Variants in DNER observed in about 807,000 individuals in gnomAD.
The protein encoded by DNER is delta and Notch-like epidermal growth factor-related receptor.
In DNER, 33 loss-of-function variants were observed where a neutral mutation model predicts 78.2. That is an observed-to-expected ratio of 0.42 (90% CI 0.32 to 0.56). The LOEUF is 0.56. Ranked by LOEUF, DNER falls within the 20% of genes least tolerant of loss-of-function variation. The pLI, the probability that DNER is intolerant of heterozygous loss-of-function variation, is 0.11. For synonymous variants in DNER, 417 were observed against 384.8 expected (o/e 1.08, Z -0.98); for missense variants, 918 against 975.3 (o/e 0.94, Z 0.78).
At chr2:229,417,306 A>G (rs1693673890) in intron 9 of DNER, among the ~76,000 whole-genome samples, 1 of 152,238 alleles carries the variant, frequency 6.6e-6, no homozygotes, top group Non-Finnish European at 1.5e-5. Flanking sequence ...AAGCAGCAAT[A>G]GGAGCAAGCG....
At chr2:229,437,201 A>G (rs915215176) in intron 8 of DNER, among the ~76,000 whole-genome samples, 1 of 152,232 alleles carries the variant, frequency 6.6e-6, no homozygotes, top group Non-Finnish European at 1.5e-5. Flanking sequence ...CACGTGAGTG[A>G]GATGGAAGAG....
chr2:229,614,950 C>T (rs746613102), intron 1 of DNER, among the ~76,000 whole-genome samples: 5 of 152,152 alleles, frequency 3.3e-5, no homozygotes, highest in Admixed American at 2.0e-4. Flanking sequence ...AACTAATCTA[C>T]GAAGACTTTA....
chr2:229,423,973 G>A (rs1400014944), intron 8 of DNER, among the ~76,000 whole-genome samples: 1 of 152,208 alleles, frequency 6.6e-6, no homozygotes, highest in Admixed American at 6.5e-5. Context: ...GGATAAGCTT[G>A]AGGGTAGAGT....
At chr2:229,541,522 C>T (rs547883880) in intron 5 of DNER, among the ~76,000 whole-genome samples, 2 of 152,298 alleles carry the variant, frequency 1.3e-5, no homozygotes, top group South Asian at 4.1e-4. Context: ...TTATATCCTA[C>T]TGCTCAAGGT....
intron 5 of DNER, among the ~76,000 whole-genome samples, chr2:229,514,776 CACA>C (rs1695936158): frequency 6.6e-6 from 1 of 152,180 alleles, no homozygotes; most frequent in Non-Finnish European, 1.5e-5. Context: ...GGATGCCCCT[CACA>C]ACAACTGACT....
chr2:229,519,082 C>CTAATTTATATA, intron 5 of DNER, among the ~76,000 whole-genome samples: 1 of 151,970 alleles, frequency 6.6e-6, no homozygotes, highest in East Asian at 1.9e-4. Flanking sequence ...ACAATGCCTT[C>CTAATTTATATA]TAATTTATAT....
chr2:229,667,903 T>A (rs1403555876), intron 1 of DNER, among the ~76,000 whole-genome samples: 8 of 152,242 alleles, frequency 5.3e-5, no homozygotes, highest in African/African-American at 1.9e-4. Context: ...CACCAGGGAA[T>A]GTGAACAAAT....
intron 6 of DNER, among the ~76,000 whole-genome samples, chr2:229,504,608 C>T (rs182177422): frequency 3.9e-5 from 6 of 152,248 alleles, no homozygotes; most frequent in African/African-American, 7.2e-5. Flanking sequence ...AAACATCAGC[C>T]CCCTTTTTTT....
At chr2:229,376,365 C>G (rs958780991) in intron 11 of DNER, among the ~76,000 whole-genome samples, 1 of 152,110 alleles carries the variant, frequency 6.6e-6, no homozygotes, top group Admixed American at 6.6e-5. Context: ...GAGGAATGAG[C>G]CCTCGTCAGA....
intron 5 of DNER, among the ~76,000 whole-genome samples, chr2:229,536,691 T>C (rs1696411511): frequency 6.6e-6 from 1 of 152,228 alleles, no homozygotes; most frequent in South Asian, 2.1e-4. Context: ...GAGGCCTATT[T>C]CTATATGTTA....
At chr2:229,648,262 G>T (rs1159532850) in intron 1 of DNER, among the ~76,000 whole-genome samples, 1 of 152,176 alleles carries the variant, frequency 6.6e-6, no homozygotes, top group East Asian at 1.9e-4. Flanking sequence ...TTGCAACCCA[G>T]GAGTCTAGCG....
chr2:229,395,884 C>A (rs60520911), intron 10 of DNER, among the ~76,000 whole-genome samples: 5,086 of 151,878 alleles, frequency 0.033, 136 homozygotes, highest in African/African-American at 0.073. Context: ...GGTGACAGAG[C>A]AAGACTCTGT....
chr2:229,550,669 G>A (rs545184936), intron 4 of DNER, among the ~76,000 whole-genome samples: 15 of 152,192 alleles, frequency 9.9e-5, no homozygotes, highest in African/African-American at 2.6e-4. Context: ...CCAGCTACTC[G>A]GGAGGCTGAG....
intron 8 of DNER, among the ~76,000 whole-genome samples, chr2:229,434,925 TAC>T (rs58688647): frequency 0.7 from 90,576 of 129,814 alleles, 28,546 homozygotes; most frequent in South Asian, 0.77. Context: ...TATATATATA[TAC>T]ACACACACAC....
intron 7 of DNER, among the ~76,000 whole-genome samples, chr2:229,455,719 CGAAAGGACAATCTGCT>C (rs1694558491): frequency 6.6e-6 from 1 of 152,006 alleles, no homozygotes; most frequent in South Asian, 2.1e-4. Flanking sequence ...TGTACAGGCT[CGAAAGGACAATCTGCT>C]GAAGTTGTGT....
chr2:229,619,990 T>C (rs1421549847), intron 1 of DNER, among the ~76,000 whole-genome samples: 1 of 152,242 alleles, frequency 6.6e-6, no homozygotes, highest in African/African-American at 2.4e-5. Context: ...CAATTAAGTA[T>C]TCTTTTATTA....
At chr2:229,665,229 A>G (rs1050322470) in intron 1 of DNER, among the ~76,000 whole-genome samples, 3 of 152,236 alleles carry the variant, frequency 2.0e-5, no homozygotes, top group African/African-American at 7.2e-5. Flanking sequence ...TAAGGTAAGA[A>G]AATGAATTCA....
chr2:229,624,159 C>T (rs754932522), intron 1 of DNER, among the ~76,000 whole-genome samples: 4 of 150,240 alleles, frequency 2.7e-5, no homozygotes, highest in Admixed American at 6.6e-5. Context: ...CTAGTTGTTC[C>T]TCCTGAGCAC....
chr2:229,439,801 G>C (rs975631842), intron 8 of DNER, among the ~76,000 whole-genome samples: 5 of 152,122 alleles, frequency 3.3e-5, no homozygotes, highest in Non-Finnish European at 7.3e-5. Context: ...AAATGCATAG[G>C]TTAGTGACGT....
Sources: gnomAD v4.1 joint callset for allele counts (sites outside exome capture counted in the v4.1 genomes callset) on GRCh38, gnomAD v4.1.1 for gene constraint, MANE v1.5 for transcripts, NCBI Gene and HGNC (gene_info 2026-07-23, HGNC 2026-07-21) for gene names.